Variants in PHTF1 observed in about 807,000 individuals in gnomAD.
PHTF1 encodes the protein protein PHTF1.
In PHTF1, 88 loss-of-function variants were observed where a neutral mutation model predicts 102.4. The ratio of observed to expected loss-of-function variants is 0.86; its 90% CI spans 0.72 to 1.03. PHTF1 has a LOEUF of 1.03. Among genes scored for constraint, PHTF1 ranks in the 50% least tolerant of loss-of-function variants. The probability of loss-of-function intolerance (pLI) is 0.00; values close to 1 mark genes in which losing one functional copy is unlikely to be tolerated. For synonymous variants in PHTF1, 289 were observed against 305.2 expected, an observed-to-expected ratio of 0.95 and a Z score of 0.55; for missense variants, 814 against 909.5, an observed-to-expected ratio of 0.89 and a Z score of 1.35.
intron 3 of PHTF1, among the ~76,000 whole-genome samples, chr1:113,753,985 T>G (rs1255554542): frequency 6.6e-6 from 1 of 152,236 alleles, no homozygotes; most frequent in Non-Finnish European, 1.5e-5. Context: ...GGCTCATTTA[T>G]TTCCCTTATT....
intron 10 of PHTF1, among the ~76,000 whole-genome samples, chr1:113,711,350 A>C (rs1651065348): frequency 6.6e-6 from 1 of 152,194 alleles, no homozygotes; most frequent in South Asian, 2.1e-4. Context: ...AAATAATATA[A>C]TATGCCCTTT....
chr1:113,741,518 G>T (rs573784217), intron 3 of PHTF1, among the ~76,000 whole-genome samples: 1 of 152,194 alleles, frequency 6.6e-6, no homozygotes, highest in East Asian at 1.9e-4. Context: ...CTGGACATTT[G>T]TACCAGTGCT....
In PHTF1 at chr1:113,713,298, T is replaced by A. The variant is rs1651447148; in HGVS notation, c.764A>T (p.Asp255Val). The A allele has an allele frequency of 6.2e-7, 1 of 1,613,736 alleles. No homozygotes were observed. The highest frequency in any genetic ancestry group is 1.7e-5 in the Admixed American group (1 of 59,992). ...WQTREKAKFS[D>V]GEKCRREAFR... ...TCTTACCCTACGGCACTTTTCTCCA[T>A]CTGAAAATTTTGCTTTCTCTCTTGT... The change falls in exon 8 of 19, where the codon GAT becomes GTT. Residue 255 changes from aspartate (D) to valine (V), a missense_variant. Coordinates refer to ENST00000369604, the MANE Select transcript of PHTF1 (RefSeq NM_001323043.2).
intron 2 of PHTF1, 100 bp from the exon 3 acceptor site, chr1:113,757,855 T>C: frequency 2.7e-6 from 2 of 740,364 alleles, no homozygotes; most frequent in African/African-American, 1.8e-5. Flanking sequence ...AGTATCAATA[T>C]GCTATGTGGA....
At chr1:113,728,587 TC>T (rs1251171850) in intron 5 of PHTF1, among the ~76,000 whole-genome samples, 5 of 152,178 alleles carry the variant, frequency 3.3e-5, no homozygotes, top group Admixed American at 6.5e-5. Context: ...GATCCAGCAA[TC>T]TCACTGCTGG....
chr1:113,731,885 A>G (rs1432983737), intron 5 of PHTF1, among the ~76,000 whole-genome samples: 1 of 150,390 alleles, frequency 6.6e-6, no homozygotes, highest in African/African-American at 2.5e-5. Flanking sequence ...CAACAGAGCA[A>G]GACGCCGTCT....
At chr1:113,742,842 T>C (rs1656622098) in intron 3 of PHTF1, among the ~76,000 whole-genome samples, 1 of 152,182 alleles carries the variant, frequency 6.6e-6, no homozygotes, top group African/African-American at 2.4e-5. Context: ...ATAATAACTT[T>C]TTTTTCTCTG....
At chr1:113,733,977 A>C (rs180680690) in intron 5 of PHTF1, among the ~76,000 whole-genome samples, 1 of 152,302 alleles carries the variant, frequency 6.6e-6, no homozygotes, top group East Asian at 1.9e-4. Flanking sequence ...AGAAAAGAGG[A>C]GGCCGGGTGT....
intron 10 of PHTF1, among the ~76,000 whole-genome samples, chr1:113,710,873 T>C (rs1453793591): frequency 1.3e-5 from 2 of 150,536 alleles, no homozygotes; most frequent in African/African-American, 4.9e-5. Context: ...CTCCGACTCC[T>C]GGTCTCAAGC....
chr1:113,757,157 ACT>A (rs1354223311), intron 3 of PHTF1, among the ~76,000 whole-genome samples: 2 of 152,130 alleles, frequency 1.3e-5, no homozygotes, highest in African/African-American at 4.8e-5. Flanking sequence ...ACAGAGTGAG[ACT>A]CTGTCTCAAA....
intron 3 of PHTF1, among the ~76,000 whole-genome samples, chr1:113,751,952 A>G (rs1442478953): frequency 6.6e-6 from 1 of 152,208 alleles, no homozygotes; most frequent in Non-Finnish European, 1.5e-5. Context: ...AAATCTTCCA[A>G]CACTATTCTT....
intron 7 of PHTF1, chr1:113,715,232 A>C (rs1195495982): frequency 6.6e-6 from 1 of 152,332 alleles, no homozygotes; most frequent in Non-Finnish European, 1.5e-5. Context: ...TTCAATGCAC[A>C]GACACTAATG....
In PHTF1 at chr1:113,706,680, G is replaced by A. The variant is rs145541451; in HGVS notation, c.1312C>T (p.Arg438Ter). The A allele has an allele frequency of 1.2e-4, 186 of 1,607,220 alleles. No homozygotes were observed. Among genetic ancestry groups the A allele is most frequent in the Non-Finnish European group, 1.5e-4 (176 of 1,175,642 alleles). Reference sequence around the variant, plus strand: ...CCCTCCCAGATTATTGCACTAACTCGATCAGAGGAAGGACTTGAATTCTGA... The same window carrying A: ...CCCTCCCAGATTATTGCACTAACTCAATCAGAGGAAGGACTTGAATTCTGA... Reference protein sequence around the residue: ...WLQNSSPSSDRVSAIIWEGNE... With the variant: ...WLQNSSPSSD The change falls in exon 12 of 19, where the codon CGA becomes TGA. Residue 438 changes from arginine (R) to a stop codon, truncating the protein, a stop_gained. Transcript: ENST00000369604. LOFTEE classifies it high-confidence loss of function.
intron 5 of PHTF1, among the ~76,000 whole-genome samples, chr1:113,729,012 G>A (rs1433028314): frequency 6.6e-6 from 1 of 152,194 alleles, no homozygotes; most frequent in Non-Finnish European, 1.5e-5. Flanking sequence ...AGATTTGGAA[G>A]CAACCTAAGT....
In PHTF1 at chr1:113,698,378, T is replaced by C. The variant is rs1649032894; in HGVS notation, c.2152A>G (p.Thr718Ala). 6.2e-7 allele frequency: 1 copy of C among 1,610,378 alleles called. No homozygotes were observed. Among genetic ancestry groups the C allele is most frequent in the South Asian group, 1.1e-5 (1 of 90,666 alleles). Residue 718 changes from threonine (T) to alanine (A), a missense_variant, in exon 18 of 19, where the codon ACA (threonine) becomes GCA (alanine). Transcript: ENST00000369604. ...GTCAGTCCATAGAGTCTAAATGGTG[T>C]GTCCAGCTCCTACAAAAAACATCAA... ...LSTKLLKELD[T>A]PFRLYGLTMN...
intron 7 of PHTF1, among the ~76,000 whole-genome samples, chr1:113,718,164 T>G (rs372088116): frequency 6.6e-6 from 1 of 152,038 alleles, no homozygotes; most frequent in Admixed American, 6.5e-5. Context: ...ATGGGAGAAA[T>G]TGGCCAAAAC....
Position 113,705,959 on chromosome 1 carries a change from A to G in PHTF1, c.1602T>C (p.Phe534=). 6.2e-7 allele frequency: 1 copy of G among 1,614,112 alleles called. No individual in the cohort carries two copies. Among genetic ancestry groups the G allele is most frequent in the Non-Finnish European group, 8.5e-7 (1 of 1,179,944 alleles). Reference sequence around the variant, plus strand: ...TCCAAGTAAGACACAATCTTTCAAAAAAATTAATTATCGACAAAACAATAA... The same window carrying G: ...TCCAAGTAAGACACAATCTTTCAAAGAAATTAATTATCGACAAAACAATAA... ...TPIIVLSIIN[F]FERLCLTWMF... Residue 534 remains phenylalanine, a synonymous_variant, in exon 13 of 19, where the codon TTT becomes TTC. Transcript: ENST00000369604.
chr1:113,744,873 A>G (rs1447229351), intron 3 of PHTF1, among the ~76,000 whole-genome samples: 1 of 151,412 alleles, frequency 6.6e-6, no homozygotes, highest in Non-Finnish European at 1.5e-5. Flanking sequence ...TCCTTGAATC[A>G]GGGAGGTGGA....
intron 18 of PHTF1, 72 bp downstream of exon 18, chr1:113,698,184 CACACGT>C (rs1418740027): frequency 1.4e-6 from 1 of 689,838 alleles, no homozygotes; most frequent in Non-Finnish European, 2.3e-6. Context: ...CACACACACA[CACACGT>C]GTGAAGAACA....
Sources: allele counts gnomAD v4.1 joint callset (sites outside exome capture counted in the v4.1 genomes callset), GRCh38; gene constraint gnomAD v4.1.1; transcripts MANE v1.5; gene names NCBI Gene and HGNC (gene_info 2026-07-23, HGNC 2026-07-21).